Variants in SENP5 observed in about 807,000 individuals in gnomAD.
SENP5 encodes sentrin-specific protease 5.
Under a neutral mutation model 74.2 loss-of-function variants are expected in SENP5, and 21 were observed. The observed-to-expected ratio is 0.28, with a 90% CI of 0.20 to 0.41. The LOEUF (loss-of-function observed/expected upper bound fraction) is 0.41. SENP5 is among the 10% of genes least tolerant of loss of function. SENP5 has a pLI of 1.00. For synonymous variants in SENP5, 311 were observed against 312.7 expected, an observed-to-expected ratio of 0.99 and a Z score of 0.06; for missense variants, 717 against 889.1, an observed-to-expected ratio of 0.81 and a Z score of 2.46.
chr3:196,915,533 A>AAG (rs1715332047), intron 6 of SENP5, among the ~76,000 whole-genome samples: 1 of 152,198 alleles, frequency 6.6e-6, no homozygotes, highest in African/African-American at 2.4e-5. Flanking sequence ...CTACTGAGTA[A>AAG]AGAGCCCTTG....
At position 196,886,498 on chromosome 3, in the gene SENP5, A is replaced by T; in HGVS notation, c.1317A>T (p.Ser439=). ...AAAAGGCTGTTCAAAATGAGAACTC[A>T]TACCAGATGGAGGAGGATGGATCTC... is the stretch of plus-strand genomic sequence containing the variant. ...VSQKAVQNEN[S]YQMEEDGSLK... Residue 439 remains serine, a synonymous_variant, in exon 2 of 10, where the codon TCA becomes TCT. Transcript: ENST00000323460. 1 of 1,612,738 alleles carries T rather than the reference A, an allele frequency of 6.2e-7. No homozygotes were observed.
In SENP5 at chr3:196,880,492, CTTTTCT is replaced by C. The variant is rs377156536; in HGVS notation, c.-31-4652_-31-4647del. Among the ~76,000 whole-genome samples the C allele has an allele frequency of 2.6e-3, 395 of 152,252 alleles. 3 individuals carry two copies. The highest frequency in any genetic ancestry group is 8.8e-3 in the African/African-American group (366 of 41,554). ...TCCAATTTTGTCAGTTGTCACATGA[CTTTTCT>C]TTTTCTGAACTGAGACTCAATCCAG... On this transcript the variant is annotated intron_variant, in intron 1 of 9. Coordinates refer to ENST00000323460, the MANE Select transcript of SENP5 (RefSeq NM_152699.5).
chr3:196,920,260 T>C (rs1715564825), intron 6 of SENP5, among the ~76,000 whole-genome samples: 1 of 152,244 alleles, frequency 6.6e-6, no homozygotes, highest in Non-Finnish European at 1.5e-5. Context: ...GTATACATCT[T>C]ACATATACAT....
chr3:196,884,297 T>C (rs1301905313), intron 1 of SENP5, among the ~76,000 whole-genome samples: 1 of 152,124 alleles, frequency 6.6e-6, no homozygotes, highest in East Asian at 1.9e-4. Context: ...TGGTTCTGGA[T>C]CTCAAGTGAA....
intron 2 of SENP5, among the ~76,000 whole-genome samples, chr3:196,889,692 TAAA>T (rs1420671470): frequency 6.6e-6 from 1 of 152,178 alleles, no homozygotes; most frequent in African/African-American, 2.4e-5. Flanking sequence ...GAAAAAATAT[TAAA>T]AACACATGTG....
At chr3:196,908,859 A>G (rs912462954) in intron 6 of SENP5, among the ~76,000 whole-genome samples, 1 of 152,208 alleles carries the variant, frequency 6.6e-6, no homozygotes, top group Non-Finnish European at 1.5e-5. Context: ...AAGGAAATAG[A>G]GAAGCAAGAG....
chr3:196,900,159 T>TA, intron 4 of SENP5, 97 bp downstream of exon 4: 1 of 1,462,684 alleles, frequency 6.8e-7, no homozygotes, highest in East Asian at 2.3e-5. Flanking sequence ...TCTTTTGGAA[T>TA]AAGGATTCTT....
chr3:196,878,748 T>G (rs890712959), intron 1 of SENP5, among the ~76,000 whole-genome samples: 3 of 152,124 alleles, frequency 2.0e-5, no homozygotes, highest in Admixed American at 2.0e-4. Flanking sequence ...CCCGCCACCA[T>G]GTCTGGCTCA....
At chr3:196,928,070 G>T (rs778227452) in intron 8 of SENP5, among the ~76,000 whole-genome samples, 191 bp downstream of exon 8, 1 of 152,138 alleles carries the variant, frequency 6.6e-6, no homozygotes, top group Non-Finnish European at 1.5e-5. Context: ...GTGCTTCCCG[G>T]GAGCAAATCA....
In SENP5 at chr3:196,916,865, G is replaced by A. The variant is rs947145809; in HGVS notation, c.1885-6549G>A. On this transcript the variant is annotated intron_variant, in intron 6 of 9. Transcript: ENST00000323460. ...AAAATAAGCAGAGGCTGGGCACAGC[G>A]ACTCACACCTGTAATCCCAGCATTT... Among the ~76,000 whole-genome samples the A allele has an allele frequency of 4.6e-5, 7 of 152,160 alleles. No homozygotes were observed. In the East Asian group the frequency reaches 9.7e-4, roughly 21 times the overall value.
chr3:196,911,742 A>G (rs1388629737), intron 6 of SENP5, among the ~76,000 whole-genome samples: 1 of 152,050 alleles, frequency 6.6e-6, no homozygotes, highest in African/African-American at 2.4e-5. Flanking sequence ...CCTGAGAGGC[A>G]GAGGTTGCGT....
At chr3:196,914,586 A>AAAAAAAATATATATATATAT in intron 6 of SENP5, 19 of 33,484 alleles carry the variant, frequency 5.7e-4, no homozygotes, top group Non-Finnish European at 7.6e-4. Context: ...AAAAAAAAAA[A>AAAAAAAATATATATATATAT]ATATATATAT....
rs181411049 is a variant in SENP5 at position 196,875,047 on chromosome 3, T to C, written c.-32+6974T>C. On this transcript the variant is annotated intron_variant, in intron 1 of 9. Transcript: ENST00000323460. ...CTCTTTTCAGAATTCTTGAACTGTATATCTAGCTGTATATATCCACTTGGA... is the reference window on the plus strand; with the variant it reads ...CTCTTTTCAGAATTCTTGAACTGTACATCTAGCTGTATATATCCACTTGGA... Among the ~76,000 whole-genome samples, 630 of 152,326 alleles carry C rather than the reference T, an allele frequency of 4.1e-3. 3 individuals are homozygous for C. Among genetic ancestry groups the C allele is most frequent in the Non-Finnish European group, 6.9e-3 (467 of 68,008 alleles).
intron 7 of SENP5, 79 bp downstream of exon 7, chr3:196,923,630 C>T (rs1209779575): frequency 3.2e-6 from 3 of 934,854 alleles, no homozygotes; most frequent in Non-Finnish European, 4.9e-6. Flanking sequence ...AGAACAGCAG[C>T]AGTCAAAACC....
Position 196,932,076 on chromosome 3 carries a change from CCTTCTGTTGAACCTCAT to C in SENP5, c.*1160_*1176del. The C allele has an allele frequency of 3.8e-6, 1 of 263,542 alleles. No homozygotes were observed. The highest frequency in any genetic ancestry group is 7.6e-6 in the Non-Finnish European group (1 of 132,046). The allele number at this position is 263,542 out of a possible 1,614,324, so 16.3% of individuals were successfully genotyped here. ...CTGACACTAGCACAGCTGTTCTTCT[CCTTCTGTTGAACCTCAT>C]CTTCTGAAGAAAGGCCAAGTGGCCC... On this transcript the variant is annotated 3_prime_UTR_variant, in exon 10 of 10. Coordinates refer to ENST00000323460, the MANE Select transcript of SENP5 (RefSeq NM_152699.5).
At chr3:196,914,878 C>A (rs573410570) in intron 6 of SENP5, among the ~76,000 whole-genome samples, 74 of 152,102 alleles carry the variant, frequency 4.9e-4, no homozygotes, top group African/African-American at 1.7e-3. Context: ...CCTACACCAC[C>A]CCTTCCCTAT....
chr3:196,872,652 C>T (rs537413630), intron 1 of SENP5, among the ~76,000 whole-genome samples: 8 of 152,114 alleles, frequency 5.3e-5, no homozygotes, highest in African/African-American at 1.7e-4. Context: ...TATTGGATAG[C>T]GGAGCTGCAC....
intron 1 of SENP5, among the ~76,000 whole-genome samples, chr3:196,878,239 A>G (rs1713566410): frequency 6.6e-6 from 1 of 152,170 alleles, no homozygotes; most frequent in South Asian, 2.1e-4. Context: ...TGTACTGTGG[A>G]GGTGGAGGTG....
chr3:196,931,252 CTTAG>C lies in SENP5; in HGVS notation c.*334_*337del, dbSNP rs777468166. 44 of 202,122 alleles carry C rather than the reference CTTAG, an allele frequency of 2.2e-4. No homozygotes were observed. The highest frequency in any genetic ancestry group is 4.5e-4 in the African/African-American group (19 of 42,662). 12.5% of individuals were successfully genotyped at this position (202,122 alleles called of 1,614,324 possible). ...AGTAGATTTGGTGCAGCTTTTGAAA[CTTAG>C]TTAGACGTGAACTGAATACAGGTTT... On this transcript the variant is annotated 3_prime_UTR_variant, in exon 10 of 10. Coordinates refer to ENST00000323460, the MANE Select transcript of SENP5 (RefSeq NM_152699.5).
Sources: gnomAD v4.1 joint callset for allele counts (sites outside exome capture counted in the v4.1 genomes callset) on GRCh38, gnomAD v4.1.1 for gene constraint, MANE v1.5 for transcripts, NCBI Gene and HGNC (gene_info 2026-07-23, HGNC 2026-07-21) for gene names.